STXBP5L: variants seen among roughly 807,000 people sequenced by gnomAD.
STXBP5L encodes the protein syntaxin binding protein 5L, also known as syntaxin-binding protein 5-like.
A neutral mutation model predicts 144.5 loss-of-function variants in STXBP5L; 65 were observed. The observed-to-expected ratio is 0.45, with a 90% CI of 0.37 to 0.55. The LOEUF (loss-of-function observed/expected upper bound fraction) is 0.55. Ranked by LOEUF, STXBP5L falls within the 20% of genes least tolerant of loss-of-function variation. The pLI is 0.00. For missense variants in STXBP5L, 1,298 were observed against 1,405.5 expected (o/e 0.92, Z 1.22); for synonymous variants, 505 against 469.6 (o/e 1.08, Z -0.97).
At chr3:120,998,545 C>T (rs887879761) in intron 3 of STXBP5L, among the ~76,000 whole-genome samples, 2 of 152,080 alleles carry the variant, frequency 1.3e-5, no homozygotes, top group Non-Finnish European at 2.9e-5. Context: ...TGACCATTCC[C>T]CAACAGGCCC....
intron 2 of STXBP5L, among the ~76,000 whole-genome samples, chr3:120,916,644 C>T (rs1709117109): frequency 6.6e-6 from 1 of 152,066 alleles, no homozygotes; most frequent in Admixed American, 6.6e-5. Flanking sequence ...TTGACAATAG[C>T]ATAAAATCGA....
At chr3:121,281,147 T>C (rs1226090551) in intron 19 of STXBP5L, among the ~76,000 whole-genome samples, 1 of 151,884 alleles carries the variant, frequency 6.6e-6, no homozygotes, top group African/African-American at 2.4e-5. Flanking sequence ...TTTGGACTAA[T>C]GAAACTTGTT....
Position 121,209,034 on chromosome 3 carries a change from C to T in STXBP5L, c.956+3033C>T, listed in dbSNP as rs184055518. 3.7e-3 allele frequency among the ~76,000 whole-genome samples: 561 copies of T among 152,080 alleles called. 2 individuals carry two copies. The highest frequency in any genetic ancestry group is 0.013 in the African/African-American group (533 of 41,470). On this transcript the variant is annotated intron_variant, in intron 10 of 26. Coordinates refer to ENST00000471454, the MANE Select transcript of STXBP5L (RefSeq NM_001308330.2). ...ATATGCAGTGTTTGGTTTTCTGTTCCGGTGTTAGTTTGCTGAGAATGATGG... is the reference window on the plus strand; with the variant it reads ...ATATGCAGTGTTTGGTTTTCTGTTCTGGTGTTAGTTTGCTGAGAATGATGG...
intron 20 of STXBP5L, among the ~76,000 whole-genome samples, chr3:121,324,165 A>G (rs1006670733): frequency 5.3e-5 from 8 of 152,130 alleles, no homozygotes; most frequent in Non-Finnish European, 8.8e-5. Context: ...TCAAAATATC[A>G]TAGAGGTTAG....
intron 9 of STXBP5L, among the ~76,000 whole-genome samples, chr3:121,185,059 G>A (rs2047318484): frequency 6.6e-6 from 1 of 152,118 alleles, no homozygotes; most frequent in Non-Finnish European, 1.5e-5. Flanking sequence ...CCTGAAAGAA[G>A]CACTGAACAT....
intron 9 of STXBP5L, among the ~76,000 whole-genome samples, chr3:121,204,132 G>A (rs570654152): frequency 9.9e-5 from 15 of 152,164 alleles, no homozygotes; most frequent in African/African-American, 2.4e-4. Flanking sequence ...CCAGCTACTC[G>A]GGAGGCTGAG....
intron 10 of STXBP5L, among the ~76,000 whole-genome samples, chr3:121,217,927 G>A (rs1559876864): frequency 6.7e-6 from 1 of 149,586 alleles, no homozygotes; most frequent in Non-Finnish European, 1.5e-5. Context: ...ATTCTCAACA[G>A]TATTCAGCTT....
Position 121,257,333 on chromosome 3 carries a change from A to G in STXBP5L, c.1832A>G (p.Asn611Ser), listed in dbSNP as rs1331088664. 1 of 1,596,470 alleles carries G rather than the reference A, an allele frequency of 6.3e-7. No homozygotes were observed. The highest frequency in any genetic ancestry group is 1.1e-5 in the South Asian group (1 of 88,114). ...GVTKDSIPCL[N>S]VKTRPVRMPP... ...ACAAAGGACAGTATTCCATGCCTCA[A>G]GTAAGAGTTTCTACCAAATTTTCAA... is the stretch of plus-strand genomic sequence containing the variant. The change falls in exon 17 of 27, where the codon AAT becomes AGT. Residue 611 changes from asparagine (N) to serine (S), a missense_variant and splice_region_variant. By Grantham distance (46) the Asn-to-Ser change is conservative. Transcript: ENST00000471454.
chr3:120,983,681 A>G (rs903840524), intron 3 of STXBP5L, among the ~76,000 whole-genome samples: 1 of 152,096 alleles, frequency 6.6e-6, no homozygotes, highest in Non-Finnish European at 1.5e-5. Flanking sequence ...AAAATCTATT[A>G]TAGGAGTGTG....
intron 19 of STXBP5L, among the ~76,000 whole-genome samples, chr3:121,293,564 A>G (rs954590318): frequency 2.0e-5 from 3 of 152,228 alleles, no homozygotes; most frequent in South Asian, 2.1e-4. Flanking sequence ...TGAACAGCTT[A>G]TAAGAAGGTT....
intron 20 of STXBP5L, among the ~76,000 whole-genome samples, chr3:121,337,895 A>G (rs930384700): frequency 2.0e-4 from 31 of 152,148 alleles, no homozygotes; most frequent in Non-Finnish European, 3.8e-4. Flanking sequence ...AATAATTAAC[A>G]CCAAAAGGAA....
At chr3:121,208,432 T>A (rs1559866045) in intron 10 of STXBP5L, among the ~76,000 whole-genome samples, 1 of 152,120 alleles carries the variant, frequency 6.6e-6, no homozygotes, top group Non-Finnish European at 1.5e-5. Context: ...TGTATACATA[T>A]GTAACAAACC....
intron 3 of STXBP5L, among the ~76,000 whole-genome samples, chr3:121,008,559 G>A (rs1944526186): frequency 6.6e-6 from 1 of 151,920 alleles, no homozygotes; most frequent in African/African-American, 2.4e-5. Flanking sequence ...GACATTGACT[G>A]GAAGTATTAA....
intron 22 of STXBP5L, among the ~76,000 whole-genome samples, chr3:121,403,208 A>G (rs2046922936): frequency 1.3e-5 from 2 of 152,246 alleles, no homozygotes; most frequent in South Asian, 4.1e-4. Flanking sequence ...GCTTCTAACT[A>G]GGTGATTCAT....
chr3:120,998,077 A>G (rs181649568), intron 3 of STXBP5L, among the ~76,000 whole-genome samples: 87 of 152,312 alleles, frequency 5.7e-4, no homozygotes, highest in African/African-American at 1.9e-3. Context: ...TTGAAGGAAC[A>G]TACTTCAAAA....
At chr3:121,175,892 C>T (rs908047388) in intron 9 of STXBP5L, among the ~76,000 whole-genome samples, 2 of 150,006 alleles carry the variant, frequency 1.3e-5, no homozygotes, top group African/African-American at 4.9e-5. Flanking sequence ...AAATGCCAAC[C>T]AAAAGAAAGC....
chr3:120,954,740 TA>T (rs912349828), intron 2 of STXBP5L, among the ~76,000 whole-genome samples, 199 bp from the exon 3 acceptor site: 10 of 152,180 alleles, frequency 6.6e-5, no homozygotes, highest in African/African-American at 2.2e-4. Context: ...CAAGATATTT[TA>T]AAAAAGTGTT....
rs1172041320 is a variant in STXBP5L at position 120,958,279 on chromosome 3, C to A, written c.287+3242C>A. Among the ~76,000 whole-genome samples the A allele has an allele frequency of 2.0e-5, 3 of 151,954 alleles. No individual in the cohort carries two copies. In the East Asian group the frequency reaches 5.8e-4, roughly 29 times the overall value. The stretch of plus-strand genomic sequence containing the variant: ...AGGCAATAATTAATAGCTTACCAAC[C>A]AAAAAAAGTCCAGGACCAGATGGAT... On this transcript the variant is annotated intron_variant, in intron 3 of 26. Coordinates refer to ENST00000471454, the MANE Select transcript of STXBP5L (RefSeq NM_001308330.2).
intron 20 of STXBP5L, among the ~76,000 whole-genome samples, chr3:121,353,888 T>C (rs1163943923): frequency 6.6e-6 from 1 of 152,240 alleles, no homozygotes; most frequent in South Asian, 2.1e-4. Flanking sequence ...TTGTTCTTTG[T>C]TCTCATTGGT....
Sources: allele counts gnomAD v4.1 joint callset (sites outside exome capture counted in the v4.1 genomes callset), GRCh38; gene constraint gnomAD v4.1.1; transcripts MANE v1.5; gene names NCBI Gene and HGNC (gene_info 2026-07-23, HGNC 2026-07-21).